The following INTU variants were observed in gnomAD, a reference collection of about 807,000 sequenced individuals.
The protein encoded by INTU is inturned planar cell polarity protein, also known as protein inturned.
A neutral mutation model predicts 100.5 loss-of-function variants in INTU; 68 were observed. The observed-to-expected ratio is 0.68, with a 90% CI of 0.56 to 0.83. INTU has a LOEUF of 0.83. Ranked by LOEUF, INTU falls within the 40% of genes least tolerant of loss-of-function variation. The pLI, the probability that INTU is intolerant of heterozygous loss-of-function variation, is 0.00. For missense variants in INTU, 1,071 were observed against 1,114.7 expected (o/e 0.96, Z 0.56); for synonymous variants, 357 against 395.7 (o/e 0.90, Z 1.16).
Position 127,706,554 on chromosome 4 carries a change from G to T in INTU, c.1856G>T (p.Gly619Val). 6.2e-7 allele frequency: 1 copy of T among 1,613,926 alleles called. No homozygotes were observed. The highest frequency in any genetic ancestry group is 1.1e-5 in the South Asian group (1 of 91,066). The change falls in exon 12 of 16, where the codon GGA becomes GTA. Residue 619 changes from glycine (G) to valine (V), a missense_variant. Gly to Val is a moderately radical substitution (Grantham distance 109). Coordinates refer to ENST00000335251, the MANE Select transcript of INTU (RefSeq NM_015693.4). ...GCATCCAAAGCTATTGGGAGTCCTG[G>T]ACCAGACTGTGTATATGTGGATCAA... ...GCASKAIGSP[G>V]PDCVYVDQVK...
At chr4:127,682,147 CTG>C (rs2126224876) in intron 6 of INTU, among the ~76,000 whole-genome samples, 1 of 152,212 alleles carries the variant, frequency 6.6e-6, no homozygotes, top group East Asian at 1.9e-4. Context: ...CACTTTTACA[CTG>C]TTGGTGGGAC....
At position 127,648,581 on chromosome 4, in the gene INTU, G is replaced by A. The variant is rs1326891404; in HGVS notation, c.682+4525G>A. 2.0e-5 allele frequency among the ~76,000 whole-genome samples: 3 copies of A among 152,140 alleles called. No individual in the cohort carries two copies. In the East Asian group the frequency reaches 5.8e-4, roughly 29 times the overall value. On this transcript the variant is annotated intron_variant, in intron 2 of 15. Transcript: ENST00000335251. Reference sequence around the variant, plus strand: ...GTCATTTGGCACATCATCCAATGGAGTTTTAGTTTAAAGTAACAAATTTAA... The same window carrying A: ...GTCATTTGGCACATCATCCAATGGAATTTTAGTTTAAAGTAACAAATTTAA...
intron 6 of INTU, among the ~76,000 whole-genome samples, chr4:127,681,512 C>G (rs1389864059): frequency 6.6e-6 from 1 of 152,176 alleles, no homozygotes; most frequent in African/African-American, 2.4e-5. Flanking sequence ...AAAGGATTCC[C>G]TATTTAATAA....
At chr4:127,658,714 A>C (rs1048147228) in intron 3 of INTU, among the ~76,000 whole-genome samples, 17 of 152,180 alleles carry the variant, frequency 1.1e-4, no homozygotes, top group Admixed American at 8.5e-4. Context: ...AACCTTTGCA[A>C]ATTCAACTGT....
rs557709676 is a variant in INTU at position 127,687,931 on chromosome 4, CT to C, written c.1449+71del. The C allele has an allele frequency of 2.5e-5, 28 of 1,103,810 alleles. No homozygotes were observed. In the East Asian group the frequency reaches 7.2e-4, roughly 28 times the overall value. 68.4% of individuals were successfully genotyped at this position (1,103,810 alleles called of 1,614,324 possible). A position where few individuals can be genotyped will look rare whatever the true frequency, so the allele number is the denominator to read the frequency against. Reference sequence around the variant, plus strand: ...GCCTTATTATAATCTTGTATCTTCTCTTTTTTTCGTAGACTTTTTGTTATTT... The same window carrying C: ...GCCTTATTATAATCTTGTATCTTCTCTTTTTTCGTAGACTTTTTGTTATTT... On this transcript the variant is annotated intron_variant, in intron 8 of 15. Transcript: ENST00000335251.
chr4:127,694,218 A>G (rs1392330617), intron 8 of INTU, among the ~76,000 whole-genome samples: 1 of 150,762 alleles, frequency 6.6e-6, no homozygotes, highest in Non-Finnish European at 1.5e-5. Flanking sequence ...TTTTGTTGGC[A>G]GTTTTTCCAT....
rs1731349183 is a variant in INTU at position 127,721,810 on chromosome 4, CAT to C, written c.*5375_*5376del. The C allele has an allele frequency of 6.6e-6, 1 of 152,190 alleles. No homozygotes were observed. The highest frequency in any genetic ancestry group is 1.5e-5 in the Non-Finnish European group (1 of 68,032). 9.4% of individuals were successfully genotyped at this position (152,190 alleles called of 1,614,324 possible). A position where few individuals can be genotyped will look rare whatever the true frequency, so the allele number is the denominator to read the frequency against. ...ATAAAGTTCTCATGTTTTTCAGCTC[CAT>C]CAGATCATTTACGTTCCTCTCCAAA... On this transcript the variant is annotated 3_prime_UTR_variant, in exon 16 of 16. Coordinates refer to ENST00000335251, the MANE Select transcript of INTU (RefSeq NM_015693.4).
chr4:127,637,328 C>A (rs897169285), intron 1 of INTU, among the ~76,000 whole-genome samples: 1 of 152,172 alleles, frequency 6.6e-6, no homozygotes, highest in African/African-American at 2.4e-5. Context: ...TGGTGGCCTT[C>A]CAAATAAATT....
At chr4:127,663,962 T>G (rs1207572775) in intron 4 of INTU, among the ~76,000 whole-genome samples, 3 of 152,048 alleles carry the variant, frequency 2.0e-5, no homozygotes, top group Non-Finnish European at 4.4e-5. Flanking sequence ...TCTGATGAGT[T>G]TTGACAAATA....
intron 15 of INTU, among the ~76,000 whole-genome samples, chr4:127,716,061 A>AT (rs1347378318): frequency 6.6e-6 from 1 of 152,190 alleles, no homozygotes; most frequent in Non-Finnish European, 1.5e-5. Flanking sequence ...TAGATTTGCT[A>AT]TTTAAAAACT....
chr4:127,652,988 G>C (rs916209646), intron 2 of INTU, among the ~76,000 whole-genome samples: 28 of 151,122 alleles, frequency 1.9e-4, no homozygotes, highest in African/African-American at 6.8e-4. Flanking sequence ...ATTTCTTCTA[G>C]ATTTTCTAGT....
intron 8 of INTU, among the ~76,000 whole-genome samples, chr4:127,692,602 A>G (rs1394303237): frequency 6.6e-6 from 1 of 152,048 alleles, no homozygotes; most frequent in Non-Finnish European, 1.5e-5. Context: ...AGTCCCATCT[A>G]TTTATCTTTG....
rs745984940 is a variant in INTU at position 127,643,908 on chromosome 4, G to C, written c.534G>C (p.Gln178His). ...KKLTVIKAKE[Q>H]LKLLEVLVGI... ...TAACTGTTATCAAAGCCAAAGAGCA[G>C]CTCAAGCTTCTGGAAGTGCTGGTTG... is the stretch of plus-strand genomic sequence containing the variant. Residue 178 changes from glutamine to histidine, a missense_variant, in exon 2 of 16, where the codon CAG (glutamine) becomes CAC (histidine). By Grantham distance (24) the Gln-to-His change is conservative (BLOSUM62 0). Transcript: ENST00000335251. The C allele has an allele frequency of 1.2e-6, 2 of 1,614,166 alleles. No individual in the cohort carries two copies. The highest frequency in any genetic ancestry group is 2.2e-5 in the South Asian group (2 of 91,078).
At chr4:127,644,123 G>A in intron 2 of INTU, 67 bp downstream of exon 2, 1 of 1,485,962 alleles carries the variant, frequency 6.7e-7, no homozygotes, top group African/African-American at 1.4e-5. Flanking sequence ...CACCTTGCGG[G>A]AAATGTGATA....
At position 127,705,900 on chromosome 4, in the gene INTU, G is replaced by T. The variant is rs750593014; in HGVS notation, c.1788+88G>T. ...GCAGGGGTTGAGGGATGCAGCGGTA[G>T]GTAGGTATCTATTGACTGTCTAAAT... is the stretch of plus-strand genomic sequence containing the variant. On this transcript the variant is annotated intron_variant, in intron 11 of 15. Coordinates refer to ENST00000335251, the MANE Select transcript of INTU (RefSeq NM_015693.4). 26 of 896,362 alleles carry T rather than the reference G, an allele frequency of 2.9e-5. No homozygotes were observed. The Middle Eastern group carries it at 3.6e-3, about 124-fold the overall frequency. The allele number at this position is 896,362 out of a possible 1,614,324, so 55.5% of individuals were successfully genotyped here. A position where few individuals can be genotyped will look rare whatever the true frequency, so the allele number is the denominator to read the frequency against.
intron 2 of INTU, among the ~76,000 whole-genome samples, chr4:127,653,362 G>A (rs1427571327): frequency 7.2e-6 from 1 of 138,664 alleles, no homozygotes; most frequent in African/African-American, 2.8e-5. Flanking sequence ...GGCATTTAGT[G>A]CTATAAATTT....
intron 1 of INTU, among the ~76,000 whole-genome samples, chr4:127,633,793 G>A (rs1374903749): frequency 6.6e-6 from 1 of 152,128 alleles, no homozygotes; most frequent in African/African-American, 2.4e-5. Context: ...TAAAAATACA[G>A]ATACCTAAAG....
intron 8 of INTU, among the ~76,000 whole-genome samples, chr4:127,694,663 T>C (rs1730303122): frequency 6.6e-6 from 1 of 152,204 alleles, no homozygotes; most frequent in African/African-American, 2.4e-5. Flanking sequence ...TTTAGATATA[T>C]GATCCACTTA....
intron 2 of INTU, among the ~76,000 whole-genome samples, chr4:127,654,683 A>C (rs1409004904): frequency 6.7e-6 from 1 of 148,320 alleles, no homozygotes; most frequent in African/African-American, 2.5e-5. Flanking sequence ...ACTTTGGTGA[A>C]TCTGACAATT....
Sources: allele counts gnomAD v4.1 joint callset (sites outside exome capture counted in the v4.1 genomes callset), GRCh38; gene constraint gnomAD v4.1.1; transcripts MANE v1.5; gene names NCBI Gene and HGNC (gene_info 2026-07-23, HGNC 2026-07-21).